The following VWA5B1 variants were observed in gnomAD, a reference collection of about 807,000 sequenced individuals.
VWA5B1 encodes von Willebrand factor A domain containing 5B1, also known as von Willebrand factor A domain-containing protein 5B1.
Under a neutral mutation model 118.2 loss-of-function variants are expected in VWA5B1, and 115 were observed. The ratio of observed to expected loss-of-function variants is 0.97; its 90% confidence interval spans 0.84 to 1.14. The LOEUF is 1.14. VWA5B1 is among the 50% of genes most tolerant of loss of function. VWA5B1 has a pLI of 0.00. For synonymous variants in VWA5B1, 682 were observed against 658.4 expected (o/e 1.04, Z -0.55); for missense variants, 1,596 against 1,603.8 (o/e 1.00, Z 0.08).
rs2090215455 is a variant in VWA5B1 at position 20,355,634 on chromosome 1, C to T, written c.*1371C>T. Among the ~76,000 whole-genome samples, 1 of 152,246 alleles carries T rather than the reference C, an allele frequency of 6.6e-6. No homozygotes were observed. Among genetic ancestry groups the T allele is most frequent in the African/African-American group, 2.4e-5 (1 of 41,466 alleles). The stretch of plus-strand genomic sequence containing the variant: ...GGCCTTGGAAGCTTAGCTTATCAAA[C>T]CAACTCGTGGGGTCCTGCGGGCTCT... On this transcript the variant is annotated 3_prime_UTR_variant, in exon 22 of 22. Transcript: ENST00000289815.
intron 9 of VWA5B1, among the ~76,000 whole-genome samples, chr1:20,329,012 T>C (rs1389541248): frequency 6.6e-6 from 1 of 152,186 alleles, no homozygotes; most frequent in Non-Finnish European, 1.5e-5. Flanking sequence ...ATGAATGTAT[T>C]TCCATGCCAG....
At chr1:20,333,263 C>T (rs2089624054) in intron 12 of VWA5B1, among the ~76,000 whole-genome samples, 1 of 152,212 alleles carries the variant, frequency 6.6e-6, no homozygotes, top group Admixed American at 6.5e-5. Context: ...CACTTGAGAT[C>T]AGGAACTTGA....
At chr1:20,336,182 G>A (rs1358058161) in intron 12 of VWA5B1, 121 bp from the exon 13 acceptor site, 1 of 844,000 alleles carries the variant, frequency 1.2e-6, no homozygotes, top group Non-Finnish European at 1.6e-6. Flanking sequence ...AAGCTTTCCT[G>A]TTGAGCTGTT....
At chr1:20,311,689 G>C (rs1039490899) in intron 2 of VWA5B1, among the ~76,000 whole-genome samples, 2 of 152,134 alleles carry the variant, frequency 1.3e-5, no homozygotes, top group African/African-American at 4.8e-5. Context: ...CGCAGTGATG[G>C]GGCCTCATAA....
At chr1:20,314,149 G>A (rs368971655) in intron 3 of VWA5B1, among the ~76,000 whole-genome samples, 173 bp from the exon 4 acceptor site, 2 of 152,076 alleles carry the variant, frequency 1.3e-5, no homozygotes, top group African/African-American at 2.4e-5. Flanking sequence ...AGAGTCAGAC[G>A]CATGGGGGTT....
rs569516880 is a variant in VWA5B1 at position 20,359,372 on chromosome 1, C to T, written c.*5109C>T. 2.6e-5 allele frequency among the ~76,000 whole-genome samples: 4 copies of T among 152,218 alleles called. No individual in the cohort carries two copies. The highest frequency in any genetic ancestry group is 9.6e-5 in the African/African-American group (4 of 41,534). ...CCAATTACATAGATGTCATGGAAGC[C>T]CTGGATGTCAGCCGTCTAATGTCCA... is the stretch of plus-strand genomic sequence containing the variant. On this transcript the variant is annotated 3_prime_UTR_variant, in exon 22 of 22. Transcript: ENST00000289815.
rs1381309364 is a variant in VWA5B1, at chr1:20,318,670, G to A, written c.790G>A (p.Ala264Thr). 1.9e-5 allele frequency: 30 copies of A among 1,546,728 alleles called. No homozygotes were observed. The highest frequency in any genetic ancestry group is 2.6e-5 in the Non-Finnish European group (30 of 1,143,946). ...GGCCAAGAGCATCATCATCACCTTG[G>A]CCAACAAGCACACCTTTGACCGGCC... is the stretch of plus-strand genomic sequence containing the variant. ...RSAKSIIITL[A>T]NKHTFDRPVE... Residue 264 changes from alanine (A) to threonine (T), a missense_variant, in exon 6 of 22, where the codon GCC becomes ACC. Physicochemically the swap from Ala to Thr is moderately conservative, Grantham distance 58. Coordinates refer to ENST00000289815, the MANE Select transcript of VWA5B1 (RefSeq NM_001039500.3).
In VWA5B1 at chr1:20,310,372, T is replaced by A. The variant is rs560744268; in HGVS notation, c.-26-204T>A. 2.0e-4 allele frequency among the ~76,000 whole-genome samples: 30 copies of A among 152,180 alleles called. No individual in the cohort carries two copies. In the South Asian group the frequency reaches 4.4e-3, roughly 22 times the overall value. ...AGCCTCAGTTTCTCTACCTGTAAAA[T>A]GAAAGGAAGAGAACGGCCACTTCTC... is the stretch of plus-strand genomic sequence containing the variant. On this transcript the variant is annotated intron_variant, in intron 1 of 21. Coordinates refer to ENST00000289815, the MANE Select transcript of VWA5B1 (RefSeq NM_001039500.3).
At chr1:20,335,396 G>A (rs1206061544) in intron 12 of VWA5B1, among the ~76,000 whole-genome samples, 1 of 152,156 alleles carries the variant, frequency 6.6e-6, no homozygotes, top group Non-Finnish European at 1.5e-5. Flanking sequence ...TGATAAGTGT[G>A]AGCAGTATAG....
rs190185605 is a variant in VWA5B1, at chr1:20,323,302, C to G, written c.967-54C>G. On this transcript the variant is annotated intron_variant, in intron 7 of 21. Coordinates refer to ENST00000289815, the MANE Select transcript of VWA5B1 (RefSeq NM_001039500.3). Reference sequence around the variant, plus strand: ...AGTGACGGGGACCAGCATGAGTCCCCAGGAGTACCTCTTGACCCTGATTGC... The same window carrying G: ...AGTGACGGGGACCAGCATGAGTCCCGAGGAGTACCTCTTGACCCTGATTGC... The G allele has an allele frequency of 3.2e-5, 44 of 1,387,926 alleles. No individual in the cohort carries two copies. The African/African-American group carries it at 5.2e-4, about 16-fold the overall frequency. 86.0% of individuals were successfully genotyped at this position (1,387,926 alleles called of 1,614,324 possible).
At chr1:20,319,829 G>GC (rs2089151048) in intron 7 of VWA5B1, among the ~76,000 whole-genome samples, 1 of 152,202 alleles carries the variant, frequency 6.6e-6, no homozygotes, top group Non-Finnish European at 1.5e-5. Context: ...CCCCAGGGGT[G>GC]CCCAGGACCC....
chr1:20,350,733 TC>T (rs2090111670), intron 19 of VWA5B1, 123 bp from the exon 20 acceptor site: 2 of 880,436 alleles, frequency 2.3e-6, no homozygotes, highest in East Asian at 5.3e-5. Flanking sequence ...AATGGTTAGC[TC>T]GAGTCCCTAG....
In VWA5B1 at chr1:20,312,976, C is replaced by G. The variant is rs1156568236; in HGVS notation, c.280C>G (p.Pro94Ala). The G allele has an allele frequency of 6.4e-7, 1 of 1,551,570 alleles. No individual in the cohort carries two copies. Among genetic ancestry groups the G allele is most frequent in the African/African-American group, 1.4e-5 (1 of 73,172 alleles). The stretch of plus-strand genomic sequence containing the variant: ...CTTCGATGCCTCCCATGTTCGATCC[C>G]CAACAGTCACAGGTAAGGAGACCAG... ...GHFDASHVRS[P>A]TVTGNILQDG... The change falls in exon 3 of 22, where the codon CCA becomes GCA. Residue 94 changes from proline (P) to alanine (A), a missense_variant. By Grantham distance (27) the Pro-to-Ala change is conservative. Transcript: ENST00000289815.
At chr1:20,337,970 C>A (rs755988381) in intron 14 of VWA5B1, 134 bp downstream of exon 14, 1 of 1,163,508 alleles carries the variant, frequency 8.6e-7, no homozygotes, top group Admixed American at 2.0e-5. Flanking sequence ...TCTTTCCTTC[C>A]CTAGGCCTTC....
chr1:20,293,574 G>C (rs2088351844), intron 1 of VWA5B1, among the ~76,000 whole-genome samples: 1 of 152,168 alleles, frequency 6.6e-6, no homozygotes, highest in Admixed American at 6.5e-5. Context: ...GTTTCTCGTG[G>C]TCTCACAGGC....
rs982345891 is a variant in VWA5B1, at chr1:20,332,808, G to A, written c.1615G>A (p.Asp539Asn). 36 of 1,551,656 alleles carry A rather than the reference G, an allele frequency of 2.3e-5. No individual in the cohort carries two copies. The East Asian group carries it at 5.1e-4, about 22-fold the overall frequency. The stretch of plus-strand genomic sequence containing the variant: ...GAAGGCCATGGCCCCAGTCCTGAGC[G>A]ATGTGACTGTGGAGTGGATCTTCCC... ...LKKAMAPVLSDVTVEWIFPET... is the reference protein window; with the variant it reads ...LKKAMAPVLSNVTVEWIFPET... Residue 539 changes from aspartate (D) to asparagine (N), a missense_variant, in exon 12 of 22, where the codon GAT becomes AAT. Physicochemically the swap from Asp to Asn is conservative, Grantham distance 23. Coordinates refer to ENST00000289815, the MANE Select transcript of VWA5B1 (RefSeq NM_001039500.3).
chr1:20,298,048 T>C (rs1185972568), intron 1 of VWA5B1, among the ~76,000 whole-genome samples: 1 of 149,474 alleles, frequency 6.7e-6, no homozygotes. Context: ...TCTTGCTCTG[T>C]CTCCCAGGCT....
At chr1:20,352,241 C>T (rs1048925667) in intron 21 of VWA5B1, 69 bp downstream of exon 21, 11 of 1,145,178 alleles carry the variant, frequency 9.6e-6, no homozygotes, top group Admixed American at 2.3e-5. Context: ...CCTGTGATCC[C>T]CCTGCCCACC....
At chr1:20,299,405 TTTTG>T (rs762860091) in intron 1 of VWA5B1, among the ~76,000 whole-genome samples, 1 of 152,092 alleles carries the variant, frequency 6.6e-6, no homozygotes, top group Non-Finnish European at 1.5e-5. Context: ...TTTGTTTTGT[TTTTG>T]TTTTTGTTTT....
Sources: allele counts gnomAD v4.1 joint callset (sites outside exome capture counted in the v4.1 genomes callset), GRCh38; gene constraint gnomAD v4.1.1; transcripts MANE v1.5; gene names NCBI Gene and HGNC (gene_info 2026-07-23, HGNC 2026-07-21).